The following NLGN3 variants were observed in gnomAD, a reference collection of about 807,000 sequenced individuals.
The protein encoded by NLGN3 is neuroligin 3.
A neutral mutation model predicts 42.9 loss-of-function variants in NLGN3; 11 were observed. That is an observed-to-expected ratio of 0.26 (90% confidence interval 0.16 to 0.42). The LOEUF (loss-of-function observed/expected upper bound fraction) is 0.42. Among genes scored for constraint, NLGN3 ranks in the 10% least tolerant of loss-of-function variants. The pLI is 1.00. For synonymous variants in NLGN3, 279 were observed against 312.7 expected, an observed-to-expected ratio of 0.89 and a Z score of 1.14; for missense variants, 374 against 733.8, an observed-to-expected ratio of 0.51 and a Z score of 5.67.
rs1399246742 is a variant in NLGN3 at position 71,167,045 on chromosome X, T to C, written c.948T>C (p.Ser316=). 1 of 1,206,310 alleles carries C rather than the reference T, an allele frequency of 8.3e-7. No homozygotes were observed. The highest frequency in any genetic ancestry group is 1.1e-6 in the Non-Finnish European group (1 of 892,570). ...LFQRAIIQSG[S]ALSSWAVNYQ... ...AGAGAGCCATCATCCAAAGTGGCTC[T>C]GCTCTGTCCAGCTGGGCTGTGAACT... Residue 316 remains serine (S), a synonymous_variant, in exon 7 of 8, where the codon TCT becomes TCC. Coordinates refer to ENST00000358741, the MANE Select transcript of NLGN3 (RefSeq NM_181303.2).
chrX:71,174,695 A>G (rs1056877747), downstream of NLGN3, among the ~76,000 whole-genome samples: 16 of 111,998 alleles, frequency 1.4e-4, no homozygotes, highest in African/African-American at 3.9e-4. Context: ...ACATGTATAC[A>G]TGTGGGGTGG....
chrX:71,153,349 C>G (rs1312109305), intron 3 of NLGN3, 128 bp from the exon 4 acceptor site: 68 of 652,172 alleles, frequency 1.0e-4, no homozygotes, highest in Non-Finnish European at 2.5e-6. Context: ...TGCCATCCCT[C>G]CTGCCTGTCC....
chrX:71,148,606 G>A (rs938548685), intron 2 of NLGN3, among the ~76,000 whole-genome samples: 5 of 111,483 alleles, frequency 4.5e-5, no homozygotes, highest in Admixed American at 2.8e-4. Flanking sequence ...CACTGGGTGT[G>A]TGGGGGGTGG....
intron 5 of NLGN3, among the ~76,000 whole-genome samples, chrX:71,157,953 C>T (rs1180848713): frequency 1.8e-5 from 2 of 109,859 alleles, no homozygotes; most frequent in Non-Finnish European, 3.8e-5. Flanking sequence ...CTTTCTGCAT[C>T]ACCTCAGACA....
intron 4 of NLGN3, 52 bp from the exon 5 acceptor site, chrX:71,155,162 G>A (rs754705408): frequency 3.3e-6 from 4 of 1,200,773 alleles, no homozygotes; most frequent in South Asian, 3.6e-5. Context: ...TGGCAGGGGT[G>A]GGGGAGCAAG....
chrX:71,157,294 A>ATTTC (rs927630065), intron 5 of NLGN3, among the ~76,000 whole-genome samples: 1 of 93,989 alleles, frequency 1.1e-5, no homozygotes, highest in Admixed American at 1.1e-4. Context: ...TTGCTTATTT[A>ATTTC]TTTATTTATT....
intron 7 of NLGN3, among the ~76,000 whole-genome samples, chrX:71,168,869 GAGAAAGA>G (rs1452453029): frequency 9.8e-5 from 7 of 71,370 alleles, no homozygotes; most frequent in South Asian, 1.2e-3. Flanking sequence ...AAGAAAGAAA[GAGAAAGA>G]AAAGAAAGAG....
chrX:71,155,187 C>A (rs1262129830), intron 4 of NLGN3, 27 bp from the exon 5 acceptor site: 1 of 1,210,971 alleles, frequency 8.3e-7, no homozygotes, highest in Admixed American at 2.2e-5. Flanking sequence ...TCCCACCCAG[C>A]CTGTGTCTCA....
At chrX:71,154,906 C>G (rs781418526) in intron 4 of NLGN3, among the ~76,000 whole-genome samples, 1 of 112,702 alleles carries the variant, frequency 8.9e-6, no homozygotes, top group East Asian at 2.8e-4. Flanking sequence ...AGCCCTTCCT[C>G]TTTCTGCTGC....
At chrX:71,164,032 A>G in intron 5 of NLGN3, 111 bp from the exon 6 acceptor site, 1 of 684,204 alleles carries the variant, frequency 1.5e-6, no homozygotes, top group Non-Finnish European at 2.3e-6. Flanking sequence ...GAAGAACTAC[A>G]CTGCGTGCTC....
intron 3 of NLGN3, among the ~76,000 whole-genome samples, chrX:71,150,681 G>A (rs1453429031): frequency 7.2e-4 from 66 of 91,618 alleles, no homozygotes; most frequent in African/African-American, 2.7e-3. Flanking sequence ...CAGCCTGGGC[G>A]ACAGAGCGAG....
chrX:71,164,444 A>G (rs1445006939), intron 6 of NLGN3, 116 bp downstream of exon 6: 1 of 730,560 alleles, frequency 1.4e-6, no homozygotes, highest in Admixed American at 3.4e-5. Context: ...CCAGCTTGGT[A>G]TCCCTTTGGC....
intron 3 of NLGN3, among the ~76,000 whole-genome samples, chrX:71,149,425 C>A (rs1179200351): frequency 9.0e-6 from 1 of 111,656 alleles, no homozygotes; most frequent in African/African-American, 3.3e-5. Flanking sequence ...GCTGATAGAC[C>A]CAGGCTGCTC....
downstream of NLGN3, among the ~76,000 whole-genome samples, chrX:71,172,361 C>G (rs1267082365): frequency 1.8e-5 from 2 of 111,147 alleles, no homozygotes; most frequent in African/African-American, 6.6e-5. Context: ...TAGTCCAACC[C>G]ATTTATTTTA....
intron 1 of NLGN3, among the ~76,000 whole-genome samples, chrX:71,146,079 C>T (rs1035678614): frequency 9.9e-6 from 1 of 100,956 alleles, no homozygotes; most frequent in Admixed American, 1.1e-4. Context: ...TCTGAGCCCC[C>T]ACCCCTTTAG....
chrX:71,155,182 C>A (rs761348136), intron 4 of NLGN3, 32 bp from the exon 5 acceptor site: 1 of 1,209,255 alleles, frequency 8.3e-7, no homozygotes, highest in African/African-American at 1.7e-5. Context: ...GGGCATCCCA[C>A]CCAGCCTGTG....
Position 71,170,231 on chromosome X carries a change from C to T in NLGN3, c.*134C>T, listed in dbSNP as rs2092467037. On this transcript the variant is annotated 3_prime_UTR_variant, in exon 8 of 8. Transcript: ENST00000358741. ...TGTATACGCACGCACCCACACCCTA[C>T]AGCAGATCCACCTGCACAAACATAG... 2 of 1,150,674 alleles carry T rather than the reference C, an allele frequency of 1.7e-6. No individual in the cohort carries two copies. The highest frequency in any genetic ancestry group is 3.2e-5 in the East Asian group (1 of 30,965). The allele number at this position is 1,150,674 out of a possible 1,213,427, so 94.8% of individuals were successfully genotyped here. A position where few individuals can be genotyped will look rare whatever the true frequency, so the allele number is the denominator to read the frequency against.
At chrX:71,150,723 GAAAGA>G (rs1405597080) in intron 3 of NLGN3, among the ~76,000 whole-genome samples, 2 of 101,715 alleles carry the variant, frequency 2.0e-5, no homozygotes, top group Non-Finnish European at 4.0e-5. Context: ...AAAAAAAAAA[GAAAGA>G]AAAGAAAAGA....
downstream of NLGN3, among the ~76,000 whole-genome samples, chrX:71,174,237 G>A (rs1296549249): frequency 1.8e-5 from 2 of 111,842 alleles, no homozygotes; most frequent in Non-Finnish European, 3.8e-5. Context: ...CAAGAGAGCC[G>A]TAAGCTGCCT....
Sources: gnomAD v4.1 joint callset for allele counts (sites outside exome capture counted in the v4.1 genomes callset) on GRCh38, gnomAD v4.1.1 for gene constraint, MANE v1.5 for transcripts, NCBI Gene and HGNC (gene_info 2026-07-23, HGNC 2026-07-21) for gene names.